Variants in SYCP2L observed in about 807,000 individuals in gnomAD.
SYCP2L encodes synaptonemal complex protein 2-like.
In SYCP2L, 98 loss-of-function variants were observed where a neutral mutation model predicts 125.8. The observed-to-expected ratio is 0.78, with a 90% CI of 0.66 to 0.92. The LOEUF (loss-of-function observed/expected upper bound fraction) is 0.92, where lower values mean the gene tolerates loss of function less well. SYCP2L is among the 40% of genes least tolerant of loss of function. The pLI is 0.00. For missense variants in SYCP2L, 842 were observed against 936.4 expected (o/e 0.90, Z 1.32); for synonymous variants, 317 against 325.4 (o/e 0.97, Z 0.28).
chr6:10,967,837 G>T (rs1158294542), intron 29 of SYCP2L, among the ~76,000 whole-genome samples: 1 of 152,124 alleles, frequency 6.6e-6, no homozygotes, highest in Non-Finnish European at 1.5e-5. Flanking sequence ...GGCCTTAAGT[G>T]CCCTTTTGAG....
intron 23 of SYCP2L, among the ~76,000 whole-genome samples, chr6:10,951,946 A>G (rs1781417192): frequency 6.6e-6 from 1 of 152,238 alleles, no homozygotes; most frequent in Non-Finnish European, 1.5e-5. Flanking sequence ...TAAGTTCAGA[A>G]GCTCCTCAGA....
chr6:10,939,578 A>G (rs937753146), intron 21 of SYCP2L, among the ~76,000 whole-genome samples: 1 of 152,212 alleles, frequency 6.6e-6, no homozygotes, highest in Non-Finnish European at 1.5e-5. Flanking sequence ...ACACATATAT[A>G]TGGCCACTTA....
chr6:10,967,454 G>GGTGTGTGTGTGTGTGT lies in SYCP2L; in HGVS notation c.*37+3638_*37+3653dup, dbSNP rs3066151. ...TATTAGTTATGTGTATGGGGTAGAGGGTGTGTGTGTGTGTGTGTGTGTGTG... is the reference window on the plus strand; with the variant it reads ...TATTAGTTATGTGTATGGGGTAGAGGGTGTGTGTGTGTGTGTGTGTGTGTGTGTGTGTGTGTGTGTG... On this transcript the variant is annotated intron_variant, in intron 29 of 29. Transcript: ENST00000283141. Among the ~76,000 whole-genome samples the GGTGTGTGTGTGTGTGT allele has an allele frequency of 1.0e-3, 142 of 138,910 alleles. 2 individuals carry two copies. Among genetic ancestry groups the GGTGTGTGTGTGTGTGT allele is most frequent in the East Asian group, 4.5e-3 (21 of 4,710 alleles). 91.1% of individuals were successfully genotyped at this position (138,910 alleles called of 152,430 possible).
At chr6:10,899,907 G>A (rs1373285796) in intron 6 of SYCP2L, among the ~76,000 whole-genome samples, 1 of 152,170 alleles carries the variant, frequency 6.6e-6, no homozygotes, top group Non-Finnish European at 1.5e-5. Context: ...AAAATGCACA[G>A]TGGTAAACTA....
At position 10,920,161 on chromosome 6, in the gene SYCP2L, CAG is replaced by C. The variant is rs1006688293; in HGVS notation, c.1073-4334_1073-4333del. ...GGCAATCTCCTGGTGGGGAGAATCT[CAG>C]GGGGTGCCTGGTTTGGTTCAACGTT... On this transcript the variant is annotated intron_variant, in intron 14 of 29. Coordinates refer to ENST00000283141, the MANE Select transcript of SYCP2L (RefSeq NM_001040274.3). 5.3e-5 allele frequency among the ~76,000 whole-genome samples: 8 copies of C among 152,102 alleles called. No homozygotes were observed. In the South Asian group the frequency reaches 8.3e-4, roughly 16 times the overall value.
At chr6:10,962,253 GA>G (rs1408356381) in intron 28 of SYCP2L, among the ~76,000 whole-genome samples, 1 of 95,494 alleles carries the variant, frequency 1.0e-5, no homozygotes, top group Non-Finnish European at 2.3e-5. Context: ...ATGGTTTTAG[GA>G]AGGATATTCT....
intron 14 of SYCP2L, among the ~76,000 whole-genome samples, chr6:10,917,766 G>C (rs966424547): frequency 6.6e-6 from 1 of 152,162 alleles, no homozygotes; most frequent in African/African-American, 2.4e-5. Flanking sequence ...ATGCCTTAAA[G>C]AGGTTCTGTT....
At chr6:10,937,380 A>T in intron 21 of SYCP2L, among the ~76,000 whole-genome samples, 1 of 152,364 alleles carries the variant, frequency 6.6e-6, no homozygotes, top group Admixed American at 6.5e-5. Flanking sequence ...AAATTAAAAA[A>T]TCTTGAGATA....
rs2113365976 is a variant in SYCP2L, at chr6:10,935,169, G to T, written c.1795G>T (p.Asp599Tyr). 6.2e-7 allele frequency: 1 copy of T among 1,612,460 alleles called. No individual in the cohort carries two copies. Among genetic ancestry groups the T allele is most frequent in the Non-Finnish European group, 8.5e-7 (1 of 1,179,550 alleles). The change falls in exon 21 of 30, where the codon GAT becomes TAT. Residue 599 changes from aspartate (D) to tyrosine (Y), a missense_variant. Asp to Tyr is a radical substitution (Grantham distance 160). Coordinates refer to ENST00000283141, the MANE Select transcript of SYCP2L (RefSeq NM_001040274.3). The stretch of plus-strand genomic sequence containing the variant: ...TAGTTTTGCTTTTTTGACTGCTGAA[G>T]ATTCTGCCCAGAAAACAGGTACATG... ...QDSFAFLTAE[D>Y]SAQKTELQDP...
At chr6:10,958,721 C>A in intron 25 of SYCP2L, 63 bp from the exon 26 acceptor site, 1 of 1,417,924 alleles carries the variant, frequency 7.1e-7, no homozygotes, top group Non-Finnish European at 9.8e-7. Flanking sequence ...TAACACAAAG[C>A]ATGCACTCAA....
intron 23 of SYCP2L, among the ~76,000 whole-genome samples, chr6:10,952,654 G>A (rs1781431460): frequency 6.6e-6 from 1 of 151,874 alleles, no homozygotes; most frequent in Non-Finnish European, 1.5e-5. Context: ...TTGTTGATCA[G>A]TGCCTAATTG....
intron 28 of SYCP2L, among the ~76,000 whole-genome samples, chr6:10,962,307 C>CA (rs59874459): frequency 0.2 from 30,279 of 148,436 alleles, 3,469 homozygotes; most frequent in East Asian, 0.42. Context: ...TATTCCAAAG[C>CA]AAAAAAAAAA....
chr6:10,936,016 A>C (rs761844590), intron 21 of SYCP2L, among the ~76,000 whole-genome samples: 3 of 151,492 alleles, frequency 2.0e-5, no homozygotes, highest in African/African-American at 4.9e-5. Context: ...TGTGTTTTTA[A>C]GTTTGTTAAT....
chr6:10,965,200 G>A (rs1414757292), intron 29 of SYCP2L, among the ~76,000 whole-genome samples: 3 of 152,094 alleles, frequency 2.0e-5, no homozygotes, highest in Non-Finnish European at 2.9e-5. Flanking sequence ...ACCAGAAGGC[G>A]TTTGGTGTCC....
rs1282421443 is a variant in SYCP2L, at chr6:10,910,139, G to T, written c.820-9G>T. On this transcript the variant is annotated splice_polypyrimidine_tract_variant and intron_variant, in intron 10 of 29. Coordinates refer to ENST00000283141, the MANE Select transcript of SYCP2L (RefSeq NM_001040274.3). ...TTTTTAATAAAAGTTTATATCATTT[G>T]CTTTGAAGGACAGTAGACGTTTTCT... 2 of 1,611,768 alleles carry T rather than the reference G, an allele frequency of 1.2e-6. No homozygotes were observed. The highest frequency in any genetic ancestry group is 1.7e-6 in the Non-Finnish European group (2 of 1,178,538).
intron 28 of SYCP2L, among the ~76,000 whole-genome samples, chr6:10,962,460 A>G (rs1037272008): frequency 6.6e-6 from 1 of 152,142 alleles, no homozygotes; most frequent in African/African-American, 2.4e-5. Context: ...CTTTTAAACC[A>G]TCTTCACTTA....
intron 20 of SYCP2L, among the ~76,000 whole-genome samples, chr6:10,931,718 A>G (rs570298975): frequency 6.6e-6 from 1 of 152,340 alleles, no homozygotes; most frequent in East Asian, 1.9e-4. Flanking sequence ...TAATCCCAGC[A>G]CTTTGGGATG....
intron 6 of SYCP2L, among the ~76,000 whole-genome samples, chr6:10,901,878 A>C (rs746855629): frequency 2.6e-5 from 4 of 152,254 alleles, no homozygotes; most frequent in Non-Finnish European, 5.9e-5. Flanking sequence ...CTGCAGCCCA[A>C]AATTTCAGTT....
In SYCP2L at chr6:10,942,703, A is replaced by C; in HGVS notation, c.1911A>C (p.Glu637Asp). The part of the protein sequence containing the change: ...PKIVNQESLT[E>D]STSLKHKLRN... ...TTGTGAACCAAGAATCACTAACAGA[A>C]AGTACTAGCTTGAAACATAAGCTGA... Residue 637 changes from glutamate (E) to aspartate (D), a missense_variant, in exon 23 of 30, where the codon GAA becomes GAC. Transcript: ENST00000283141. 8 of 1,613,768 alleles carry C rather than the reference A, an allele frequency of 5.0e-6. No homozygotes were observed. Among genetic ancestry groups the C allele is most frequent in the Non-Finnish European group, 6.8e-6 (8 of 1,179,944 alleles).
Sources: gnomAD v4.1 joint callset for allele counts (sites outside exome capture counted in the v4.1 genomes callset) on GRCh38, gnomAD v4.1.1 for gene constraint, MANE v1.5 for transcripts, NCBI Gene and HGNC (gene_info 2026-07-23, HGNC 2026-07-21) for gene names.